The following CDYL2 variants were observed in gnomAD, a reference collection of about 807,000 sequenced individuals.
The protein encoded by CDYL2 is chromodomain Y-like protein 2.
A neutral mutation model predicts 49.4 loss-of-function variants in CDYL2; 23 were observed. The observed-to-expected ratio is 0.47, with a 90% confidence interval of 0.34 to 0.66. The LOEUF (loss-of-function observed/expected upper bound fraction) is 0.66, where lower values mean the gene tolerates loss of function less well. Among genes scored for constraint, CDYL2 ranks in the 30% least tolerant of loss-of-function variants. The probability of loss-of-function intolerance (pLI) is 0.01; values close to 1 mark genes in which losing one functional copy is unlikely to be tolerated. For synonymous variants in CDYL2, 360 were observed against 268.8 expected, an observed-to-expected ratio of 1.34 and a Z score of -3.32; for missense variants, 678 against 656.4, an observed-to-expected ratio of 1.03 and a Z score of -0.36.
rs1906021772 is a variant in CDYL2 at position 80,600,237 on chromosome 16, T to C, written c.*4151A>G. 8.0e-6 allele frequency: 1 copy of C among 125,646 alleles called. No individual in the cohort carries two copies. Among genetic ancestry groups the C allele is most frequent in the Non-Finnish European group, 1.6e-5 (1 of 62,424 alleles). The allele number at this position is 125,646 out of a possible 1,614,324, so 7.8% of individuals were successfully genotyped here. On this transcript the variant is annotated 3_prime_UTR_variant, in exon 7 of 7. Coordinates refer to ENST00000570137, the MANE Select transcript of CDYL2 (RefSeq NM_152342.4). ...GCTCTCCAACAATATAAGAGCATTA[T>C]ATTCTAATGAAAAAATTGGCACCAA... is the stretch of plus-strand genomic sequence containing the variant.
At chr16:80,798,188 A>G (rs1013807135) in intron 1 of CDYL2, among the ~76,000 whole-genome samples, 1 of 152,066 alleles carries the variant, frequency 6.6e-6, no homozygotes, top group Non-Finnish European at 1.5e-5. Context: ...CTACAAACAC[A>G]TACCATCATG....
intron 1 of CDYL2, among the ~76,000 whole-genome samples, chr16:80,723,826 T>C (rs190853496): frequency 2.0e-5 from 3 of 150,768 alleles, no homozygotes; most frequent in Admixed American, 6.6e-5. Context: ...CAATTCCTGC[T>C]GAAGAAGAAG....
At chr16:80,676,962 TA>T (rs1319745601) in intron 2 of CDYL2, among the ~76,000 whole-genome samples, 40,779 of 114,400 alleles carry the variant, frequency 0.36, 7,563 homozygotes, top group Middle Eastern at 0.53. Context: ...CAATTCAATG[TA>T]TTTTTTTTTT....
chr16:80,740,658 A>G (rs1322351800), intron 1 of CDYL2, among the ~76,000 whole-genome samples: 1 of 152,230 alleles, frequency 6.6e-6, no homozygotes, highest in East Asian at 1.9e-4. Context: ...GAATTTAAAT[A>G]TTCAGAAAGA....
At chr16:80,636,700 TG>T (rs1285927656) in intron 2 of CDYL2, among the ~76,000 whole-genome samples, 1 of 152,204 alleles carries the variant, frequency 6.6e-6, no homozygotes, top group Non-Finnish European at 1.5e-5. Context: ...AATCCCATCC[TG>T]GGTATATACC....
At chr16:80,648,449 C>T (rs1017842066) in intron 2 of CDYL2, among the ~76,000 whole-genome samples, 6 of 151,908 alleles carry the variant, frequency 3.9e-5, no homozygotes, top group African/African-American at 1.2e-4. Context: ...GACTGAACCA[C>T]GAAGAAATCC....
intron 5 of CDYL2, among the ~76,000 whole-genome samples, chr16:80,609,437 G>A (rs1906496756): frequency 6.6e-6 from 1 of 152,208 alleles, no homozygotes; most frequent in Non-Finnish European, 1.5e-5. Flanking sequence ...GATGGTTCGT[G>A]ATGACCCAGA....
chr16:80,600,281 A>T lies in CDYL2; in HGVS notation c.*4107T>A, dbSNP rs4622522. Reference sequence around the variant, plus strand: ...GCACCAAACCAGTATGCTATTTTTCAAAAGAACAAGTGATATTAATGAAAA... The same window carrying T: ...GCACCAAACCAGTATGCTATTTTTCTAAAGAACAAGTGATATTAATGAAAA... On this transcript the variant is annotated 3_prime_UTR_variant, in exon 7 of 7. Coordinates refer to ENST00000570137, the MANE Select transcript of CDYL2 (RefSeq NM_152342.4). 6.6e-6 allele frequency: 1 copy of T among 151,974 alleles called. No individual in the cohort carries two copies. The highest frequency in any genetic ancestry group is 1.5e-5 in the Non-Finnish European group (1 of 67,998). 9.4% of individuals were successfully genotyped at this position (151,974 alleles called of 1,614,324 possible).
chr16:80,770,173 A>C (rs1196856859), intron 1 of CDYL2, among the ~76,000 whole-genome samples: 3 of 152,218 alleles, frequency 2.0e-5, no homozygotes, highest in Non-Finnish European at 4.4e-5. Context: ...AAACTAAAAT[A>C]TATTAAGCCA....
rs937431762 is a variant in CDYL2, at chr16:80,602,265, T to C, written c.*2123A>G. On this transcript the variant is annotated 3_prime_UTR_variant, in exon 7 of 7. Coordinates refer to ENST00000570137, the MANE Select transcript of CDYL2 (RefSeq NM_152342.4). ...GGTGTCTCCCTATAGTAACTCCCTG[T>C]AGGACAGGTCCGAAGTCCTTACAGG... 1 of 152,208 alleles carries C rather than the reference T, an allele frequency of 6.6e-6. No homozygotes were observed. Among genetic ancestry groups the C allele is most frequent in the Non-Finnish European group, 1.5e-5 (1 of 68,042 alleles). The allele number at this position is 152,208 out of a possible 1,614,324, so 9.4% of individuals were successfully genotyped here.
chr16:80,608,951 A>G (rs1201799925), intron 5 of CDYL2, among the ~76,000 whole-genome samples: 4 of 152,294 alleles, frequency 2.6e-5, no homozygotes, highest in South Asian at 2.1e-4. Flanking sequence ...AAGCACTTCC[A>G]TCACTGGCAG....
At chr16:80,620,013 C>T (rs1209528462) in intron 4 of CDYL2, among the ~76,000 whole-genome samples, 1 of 152,172 alleles carries the variant, frequency 6.6e-6, no homozygotes, top group African/African-American at 2.4e-5. Flanking sequence ...CTCATGTGAC[C>T]AGGGGCATTC....
chr16:80,610,792 C>G (rs532846485), intron 5 of CDYL2, among the ~76,000 whole-genome samples: 6 of 152,278 alleles, frequency 3.9e-5, no homozygotes, highest in African/African-American at 1.4e-4. Flanking sequence ...TAGAGTTTGG[C>G]CCTGTCACCT....
chr16:80,758,090 T>C (rs1267957306), intron 1 of CDYL2, among the ~76,000 whole-genome samples: 1 of 152,004 alleles, frequency 6.6e-6, no homozygotes, highest in Non-Finnish European at 1.5e-5. Context: ...CTGAAAAAAA[T>C]CAAAAGTCCA....
At chr16:80,637,549 C>G (rs1907892729) in intron 2 of CDYL2, among the ~76,000 whole-genome samples, 1 of 152,248 alleles carries the variant, frequency 6.6e-6, no homozygotes, top group Middle Eastern at 3.4e-3. Flanking sequence ...AAAACAATTA[C>G]TCCTGAACTA....
chr16:80,795,707 AC>A (rs1196873058), intron 1 of CDYL2, among the ~76,000 whole-genome samples: 2 of 152,136 alleles, frequency 1.3e-5, no homozygotes, highest in Non-Finnish European at 1.5e-5. Context: ...GTCCAGCACC[AC>A]CATGCCTGCC....
At chr16:80,750,434 T>A (rs1597114877) in intron 1 of CDYL2, among the ~76,000 whole-genome samples, 1 of 149,480 alleles carries the variant, frequency 6.7e-6, no homozygotes, top group African/African-American at 2.4e-5. Flanking sequence ...AAGCACTGAT[T>A]AAAAAACAAA....
intron 1 of CDYL2, among the ~76,000 whole-genome samples, chr16:80,748,464 G>A (rs1042863221): frequency 3.9e-5 from 5 of 127,100 alleles, no homozygotes; most frequent in Non-Finnish European, 7.9e-5. Flanking sequence ...GAGGCGGATC[G>A]CGCCACTGCC....
At chr16:80,746,128 T>C (rs1034160831) in intron 1 of CDYL2, among the ~76,000 whole-genome samples, 2 of 148,218 alleles carry the variant, frequency 1.3e-5, no homozygotes, top group East Asian at 3.9e-4. Flanking sequence ...TCCCCTGGGC[T>C]CCAACAGGTA....
Sources: gnomAD v4.1 joint callset for allele counts (sites outside exome capture counted in the v4.1 genomes callset) on GRCh38, gnomAD v4.1.1 for gene constraint, MANE v1.5 for transcripts, NCBI Gene and HGNC (gene_info 2026-07-23, HGNC 2026-07-21) for gene names.